The following DRD2 variants were observed in gnomAD, a reference collection of about 807,000 sequenced individuals.
DRD2 encodes D(2) dopamine receptor.
A neutral mutation model predicts 38.0 loss-of-function variants in DRD2; 8 were observed. That is an observed-to-expected ratio of 0.21 (90% CI 0.12 to 0.38). The LOEUF is 0.38. DRD2 is among the 10% of genes least tolerant of loss of function. The pLI is 1.00. For missense variants in DRD2, 403 were observed against 607.7 expected (o/e 0.66, Z 3.54); for synonymous variants, 230 against 238.6 (o/e 0.96, Z 0.33).
rs1248226118 is a variant in DRD2, at chr11:113,414,466, G to A, written c.724-5C>T. 1.2e-6 allele frequency: 2 copies of A among 1,614,160 alleles called. No homozygotes were observed. Among genetic ancestry groups the A allele is most frequent in the Middle Eastern group, 1.7e-4 (1 of 6,060 alleles). On this transcript the variant is annotated splice_region_variant and splice_polypyrimidine_tract_variant and intron_variant, in intron 5 of 7. Transcript: ENST00000362072. ...CTCGGGGTGAGTACAGTTGCCCTGT[G>A]GAGTGAGCCAGCACATGGGTCACAC...
intron 1 of DRD2, among the ~76,000 whole-genome samples, chr11:113,460,076 T>C (rs1035964935): frequency 2.0e-5 from 3 of 152,254 alleles, no homozygotes; most frequent in Admixed American, 6.5e-5. Flanking sequence ...TTCTATTACA[T>C]TTTCCTGGAT....
rs1250503050 is a variant in DRD2, at chr11:113,410,592, G to A, written c.*135C>T. ...GGCAGTGAGGAGCATGGAGCCAAGC[G>A]AACACTGCAGGGCCTGCCGGGGTGA... On this transcript the variant is annotated 3_prime_UTR_variant, in exon 8 of 8. Coordinates refer to ENST00000362072, the MANE Select transcript of DRD2 (RefSeq NM_000795.4). 1.2e-5 allele frequency: 14 copies of A among 1,136,516 alleles called. No individual in the cohort carries two copies. Among genetic ancestry groups the A allele is most frequent in the Non-Finnish European group, 1.6e-5 (12 of 756,026 alleles). The allele number at this position is 1,136,516 out of a possible 1,614,324, so 70.4% of individuals were successfully genotyped here. A position where few individuals can be genotyped will look rare whatever the true frequency, so the allele number is the denominator to read the frequency against.
In DRD2 at chr11:113,457,614, C is replaced by T. The variant is rs572119974; in HGVS notation, c.-32+17462G>A. Among the ~76,000 whole-genome samples the T allele has an allele frequency of 7.3e-5, 11 of 151,218 alleles. No homozygotes were observed. In the East Asian group the frequency reaches 1.2e-3, roughly 16 times the overall value. ...CCACTATTTACATGTAAATGAAAAA[C>T]GAAGAAAGGGGAGCCTGGGACCCTG... is the stretch of plus-strand genomic sequence containing the variant. On this transcript the variant is annotated intron_variant, in intron 1 of 7. Coordinates refer to ENST00000362072, the MANE Select transcript of DRD2 (RefSeq NM_000795.4).
At chr11:113,412,498 G>A in intron 7 of DRD2, 58 bp downstream of exon 7, 1 of 1,592,116 alleles carries the variant, frequency 6.3e-7, no homozygotes, top group African/African-American at 1.3e-5. Flanking sequence ...GGAAGGACAT[G>A]GCAGGGAATG....
intron 1 of DRD2, among the ~76,000 whole-genome samples, chr11:113,435,149 G>T (rs1016620058): frequency 6.6e-6 from 1 of 152,172 alleles, no homozygotes; most frequent in Non-Finnish European, 1.5e-5. Flanking sequence ...GCCTTACCTT[G>T]TTGCAGGCCT....
intron 1 of DRD2, among the ~76,000 whole-genome samples, chr11:113,438,135 G>A (rs927018189): frequency 6.6e-6 from 1 of 152,112 alleles, no homozygotes; most frequent in Non-Finnish European, 1.5e-5. Context: ...GGATACAGAG[G>A]AGTCACTTCC....
intron 1 of DRD2, among the ~76,000 whole-genome samples, chr11:113,426,555 T>C (rs573038128): frequency 6.3e-4 from 96 of 152,214 alleles, no homozygotes; most frequent in African/African-American, 2.3e-3. Context: ...TGGTGCCATG[T>C]CCAATCAATG....
intron 2 of DRD2, among the ~76,000 whole-genome samples, chr11:113,418,841 G>A (rs942669445): frequency 2.0e-5 from 3 of 152,214 alleles, no homozygotes; most frequent in Non-Finnish European, 4.4e-5. Context: ...CAGGGCTGTA[G>A]CCTGGGCTTT....
At chr11:113,444,272 A>G (rs1951120495) in intron 1 of DRD2, among the ~76,000 whole-genome samples, 1 of 152,204 alleles carries the variant, frequency 6.6e-6, no homozygotes, top group Admixed American at 6.5e-5. Flanking sequence ...CCTGACCTCC[A>G]GTGATCTGCG....
intron 6 of DRD2, chr11:113,413,218 C>G (rs894295976): frequency 5.7e-5 from 36 of 627,706 alleles, no homozygotes; most frequent in Admixed American, 2.3e-4. Context: ...CTGCTGGGGT[C>G]AAGAGCTGAT....
chr11:113,413,369 C>T (rs747921635), intron 6 of DRD2: 1 of 522,384 alleles, frequency 1.9e-6, no homozygotes. Context: ...TCCATATTCT[C>T]CTGGATAGAC....
At chr11:113,431,958 G>A (rs2138191694) in intron 1 of DRD2, among the ~76,000 whole-genome samples, 1 of 152,370 alleles carries the variant, frequency 6.6e-6, no homozygotes, top group African/African-American at 2.4e-5. Context: ...CCCCCCAGGA[G>A]TAGAGGAGGG....
At chr11:113,444,675 C>A (rs1253861267) in intron 1 of DRD2, among the ~76,000 whole-genome samples, 2 of 152,194 alleles carry the variant, frequency 1.3e-5, no homozygotes. Context: ...ACGGTGATTG[C>A]TCCTTTATTC....
At chr11:113,435,851 A>C (rs547844284) in intron 1 of DRD2, among the ~76,000 whole-genome samples, 52 of 152,314 alleles carry the variant, frequency 3.4e-4, no homozygotes, top group African/African-American at 1.3e-3. Flanking sequence ...AATTGAGAAA[A>C]CATGCTCTTG....
At position 113,415,545 on chromosome 11, in the gene DRD2, A is replaced by G. The variant is rs1351412228; in HGVS notation, c.599T>C (p.Val200Ala). 1 of 1,614,082 alleles carries G rather than the reference A, an allele frequency of 6.2e-7. No individual in the cohort carries two copies. Among genetic ancestry groups the G allele is most frequent in the Non-Finnish European group, 8.5e-7 (1 of 1,180,056 alleles). The change falls in exon 5 of 8, where the codon GTG (valine) becomes GCG (alanine). Residue 200 changes from valine to alanine, a missense_variant. Coordinates refer to ENST00000362072, the MANE Select transcript of DRD2 (RefSeq NM_000795.4). The part of the protein sequence containing the change: ...VVYSSIVSFY[V>A]PFIVTLLVYI... ...GACCAGCAGGGTGACAATGAAGGGC[A>G]CGTAGAAGGAGACGATGGAGGAGTA...
In DRD2 at chr11:113,412,822, T is replaced by A; in HGVS notation, c.872A>T (p.Glu291Val). ...TGGGATGGGGCTGTACCGGGTCCTC[T>A]CGGGTGGGCTGGTGCTGGAGAGCAT... is the stretch of plus-strand genomic sequence containing the variant. ...MEMLSSTSPP[E>V]RTRYSPIPPS... The change falls in exon 7 of 8, where the codon GAG (glutamate) becomes GTG (valine). Residue 291 changes from glutamate (E) to valine (V), a missense_variant. By Grantham distance (121) the Glu-to-Val change is moderately radical. Coordinates refer to ENST00000362072, the MANE Select transcript of DRD2 (RefSeq NM_000795.4). The A allele has an allele frequency of 6.2e-7, 1 of 1,613,370 alleles. No individual in the cohort carries two copies. The highest frequency in any genetic ancestry group is 1.1e-5 in the South Asian group (1 of 91,032).
chr11:113,452,477 C>CGCGT (rs1565675356), intron 1 of DRD2, among the ~76,000 whole-genome samples: 2 of 87,690 alleles, frequency 2.3e-5, no homozygotes, highest in African/African-American at 4.0e-5. Flanking sequence ...TGTGCGCGCG[C>CGCGT]GCGCGCGCGC....
rs546598639 is a variant in DRD2, at chr11:113,410,210, G to A, written c.*517C>T. ...CTTGGGAATCTCTGGGGTCCAACCT[G>A]CAGTCTGGTATTTACATGGGTCTCC... On this transcript the variant is annotated 3_prime_UTR_variant, in exon 8 of 8. Coordinates refer to ENST00000362072, the MANE Select transcript of DRD2 (RefSeq NM_000795.4). 1.5e-5 allele frequency: 3 copies of A among 203,402 alleles called. No homozygotes were observed. Among genetic ancestry groups the A allele is most frequent in the South Asian group, 2.0e-4 (2 of 9,794 alleles). 12.6% of individuals were successfully genotyped at this position (203,402 alleles called of 1,614,324 possible).
intron 1 of DRD2, chr11:113,447,717 C>T (rs1157812853): frequency 3.9e-5 from 6 of 152,210 alleles, no homozygotes; most frequent in Non-Finnish European, 7.3e-5. Flanking sequence ...CAGTCAGCAT[C>T]TGGCTTCTGG....
Sources: allele counts gnomAD v4.1 joint callset (sites outside exome capture counted in the v4.1 genomes callset), GRCh38; gene constraint gnomAD v4.1.1; transcripts MANE v1.5; gene names NCBI Gene and HGNC (gene_info 2026-07-23, HGNC 2026-07-21).